Variants in PIGR observed in about 807,000 individuals in gnomAD.
PIGR encodes the protein polymeric immunoglobulin receptor.
PIGR carries 22 observed loss-of-function variants against 69.5 expected under a neutral mutation model. The ratio of observed to expected loss-of-function variants is 0.32; its 90% CI spans 0.23 to 0.45. PIGR has a LOEUF of 0.45. Among genes scored for constraint, PIGR ranks in the 20% least tolerant of loss-of-function variants. The probability of loss-of-function intolerance (pLI) is 1.00; values close to 1 mark genes in which losing one functional copy is unlikely to be tolerated. For missense variants in PIGR, 885 were observed against 974.0 expected (o/e 0.91, Z 1.22); for synonymous variants, 413 against 407.6 (o/e 1.01, Z -0.16).
At chr1:206,931,316 C>T in intron 10 of PIGR, 181 bp downstream of exon 10, 1 of 1,475,268 alleles carries the variant, frequency 6.8e-7, no homozygotes, top group Admixed American at 2.4e-5. Context: ...CATCAGCATC[C>T]CACAACCAGT....
In PIGR at chr1:206,944,468, A is replaced by T. The variant is rs1572649999; in HGVS notation, c.-54+1868T>A. On this transcript the variant is annotated intron_variant, in intron 1 of 10. Coordinates refer to ENST00000356495, the MANE Select transcript of PIGR (RefSeq NM_002644.4). ...AGCCTGGGTGACAGGGCAAGATTCC[A>T]TCTCAAAAAAATAAAAAATTAAAAA... 2.0e-5 allele frequency among the ~76,000 whole-genome samples: 3 copies of T among 152,152 alleles called. No individual in the cohort carries two copies. The East Asian group carries it at 5.8e-4, about 29-fold the overall frequency.
Position 206,934,620 on chromosome 1 carries a change from C to T in PIGR, c.1505G>A (p.Gly502Asp). ...GTCTTGGCTGGGCAGGGCCTGGCAG[C>T]CCGTGTTATTCCACTTGCACCAGTA... is the stretch of plus-strand genomic sequence containing the variant. ...EKYWCKWNNT[G>D]CQALPSQDEG... is the part of the protein sequence containing the mutation. The change falls in exon 6 of 11, where the codon GGC becomes GAC. Residue 502 changes from glycine (G) to aspartate (D), a missense_variant. Transcript: ENST00000356495. The T allele has an allele frequency of 6.2e-7, 1 of 1,614,158 alleles. No homozygotes were observed.
At chr1:206,934,894 T>C (rs1679834656) in intron 5 of PIGR, 148 bp from the exon 6 acceptor site, 1 of 528,284 alleles carries the variant, frequency 1.9e-6, no homozygotes, top group Non-Finnish European at 3.2e-6. Context: ...GGTCTCTCTC[T>C]GTCACCCAGG....
chr1:206,938,322 G>A (rs1049534511), intron 3 of PIGR, among the ~76,000 whole-genome samples: 1 of 152,228 alleles, frequency 6.6e-6, no homozygotes, highest in Admixed American at 6.5e-5. Flanking sequence ...TCCGGTTAGG[G>A]TGAACTCTAA....
At chr1:206,932,942 C>T (rs1197627504) in intron 7 of PIGR, 44 bp downstream of exon 7, 2 of 1,600,060 alleles carry the variant, frequency 1.2e-6, no homozygotes, top group South Asian at 2.2e-5. Flanking sequence ...AGGTGCTCGG[C>T]TCTGGGGTGT....
intron 2 of PIGR, among the ~76,000 whole-genome samples, chr1:206,940,013 C>T (rs1679951441): frequency 6.6e-6 from 1 of 152,258 alleles, no homozygotes; most frequent in Non-Finnish European, 1.5e-5. Context: ...AGCCAGCATC[C>T]AGCCATCCAT....
intron 1 of PIGR, among the ~76,000 whole-genome samples, chr1:206,941,228 A>G (rs1679978592): frequency 6.6e-6 from 1 of 152,154 alleles, no homozygotes; most frequent in Non-Finnish European, 1.5e-5. Flanking sequence ...GAAGGCTTCA[A>G]GGTTAAGTAC....
At chr1:206,932,633 A>C in intron 7 of PIGR, 56 bp from the exon 8 acceptor site, 1 of 1,546,138 alleles carries the variant, frequency 6.5e-7, no homozygotes, top group Non-Finnish European at 8.7e-7. Flanking sequence ...GGGCCCGACG[A>C]TGTGCTGGCA....
chr1:206,940,500 G>A lies in PIGR; in HGVS notation c.32C>T (p.Ala11Val), dbSNP rs374587983. The stretch of plus-strand genomic sequence containing the variant: ...CCTGGCAGACACACCTGGGAAGACC[G>A]CCAGCAGGCAGGTGAGCACGAAGAG... MLLFVLTCLL[A>V]VFPAISTKSP... Residue 11 changes from alanine (A) to valine (V), a missense_variant, in exon 2 of 11, where the codon GCG becomes GTG. Coordinates refer to ENST00000356495, the MANE Select transcript of PIGR (RefSeq NM_002644.4). 36 of 1,551,340 alleles carry A rather than the reference G, an allele frequency of 2.3e-5. No individual in the cohort carries two copies. The highest frequency in any genetic ancestry group is 2.8e-5 in the Non-Finnish European group (32 of 1,146,918).
At position 206,932,990 on chromosome 1, in the gene PIGR, C is replaced by T. The variant is rs762536335; in HGVS notation, c.1882G>A (p.Gly628Ser). ...GAGCCTTGAATCCTTCCTTACCTGC[C>T]GGAATCCACAGATGCTCTGCTCCCA... Reference protein sequence around the residue: ...ADGSRASVDSGSSEEQGGSSR... With the variant: ...ADGSRASVDSSSSEEQGGSSR... The change falls in exon 7 of 11, where the codon GGC becomes AGC. Residue 628 changes from glycine to serine, a missense_variant. Gly to Ser is a moderately conservative substitution (Grantham distance 56). Coordinates refer to ENST00000356495, the MANE Select transcript of PIGR (RefSeq NM_002644.4). 3.4e-5 allele frequency: 55 copies of T among 1,613,902 alleles called. No individual in the cohort carries two copies. The highest frequency in any genetic ancestry group is 2.0e-4 in the East Asian group (9 of 44,898).
In PIGR at chr1:206,930,861, TC is replaced by T; in HGVS notation, c.2200-449del. ...AACTTTGCTAAATGCCAGAGATGTTTCAAGAAAAAGTAGATATGATAAAAAC... is the reference window on the plus strand; with the variant it reads ...AACTTTGCTAAATGCCAGAGATGTTTAAGAAAAAGTAGATATGATAAAAAC... On this transcript the variant is annotated intron_variant, in intron 10 of 10. Transcript: ENST00000356495. The surrounding 1 kb of genome is among the most constrained non-coding windows in gnomAD (Gnocchi z 4.3). 3.0e-6 allele frequency: 3 copies of T among 985,382 alleles called. No homozygotes were observed. Among genetic ancestry groups the T allele is most frequent in the Non-Finnish European group, 3.6e-6 (3 of 829,926 alleles). 61.0% of individuals were successfully genotyped at this position (985,382 alleles called of 1,614,324 possible).
chr1:206,937,621 A>G lies in PIGR; in HGVS notation c.519T>C (p.Pro173=), dbSNP rs751025452. 8.7e-6 allele frequency: 14 copies of G among 1,613,832 alleles called. No individual in the cohort carries two copies. The South Asian group carries it at 1.3e-4, about 15-fold the overall frequency. The stretch of plus-strand genomic sequence containing the variant: ...AACCACTGGAGTCGATGACCAGCAC[A>G]GGGTACAGGCCTATCTGCTTGTACA... ...KSLYKQIGLY[P]VLVIDSSGYV... The change falls in exon 4 of 11, where the codon CCT becomes CCC. Residue 173 remains proline, a synonymous_variant. Coordinates refer to ENST00000356495, the MANE Select transcript of PIGR (RefSeq NM_002644.4).
chr1:206,938,551 C>CT (rs1045177768), intron 3 of PIGR, among the ~76,000 whole-genome samples: 4 of 152,158 alleles, frequency 2.6e-5, no homozygotes, highest in Non-Finnish European at 4.4e-5. Flanking sequence ...AAGAGCTTTT[C>CT]TTTTTTTCTC....
intron 3 of PIGR, among the ~76,000 whole-genome samples, chr1:206,938,241 G>A (rs1420508070): frequency 6.6e-6 from 1 of 152,172 alleles, no homozygotes; most frequent in Non-Finnish European, 1.5e-5. Context: ...GCTGTCTCAG[G>A]GAGCAGTGAG....
At chr1:206,945,287 G>A (rs896655417) in intron 1 of PIGR, among the ~76,000 whole-genome samples, 3 of 152,344 alleles carry the variant, frequency 2.0e-5, no homozygotes, top group Admixed American at 1.3e-4. Context: ...AAGGGGGAAA[G>A]TGATGGCACA....
intron 3 of PIGR, among the ~76,000 whole-genome samples, 161 bp from the exon 4 acceptor site, chr1:206,937,912 G>T (rs291095): frequency 0.71 from 108,386 of 152,108 alleles, 40,016 homozygotes; most frequent in African/African-American, 0.93. Context: ...GCTTGACAGC[G>T]GTCTTCTCCA....
At position 206,937,763 on chromosome 1, in the gene PIGR, G is replaced by T; in HGVS notation, c.389-12C>A. 1 of 1,612,742 alleles carries T rather than the reference G, an allele frequency of 6.2e-7. No homozygotes were observed. Among genetic ancestry groups the T allele is most frequent in the South Asian group, 1.1e-5 (1 of 90,662 alleles). On this transcript the variant is annotated splice_polypyrimidine_tract_variant and intron_variant, in intron 3 of 10. Coordinates refer to ENST00000356495, the MANE Select transcript of PIGR (RefSeq NM_002644.4). ...TAGGAGCCCAGGACCTGCAGGATGAGGGGTGCAAGGTAGGGGGCAGGCAAG... is the reference window on the plus strand; with the variant it reads ...TAGGAGCCCAGGACCTGCAGGATGATGGGTGCAAGGTAGGGGGCAGGCAAG...
In PIGR at chr1:206,933,182, G is replaced by T. The variant is rs1427190902; in HGVS notation, c.1706-16C>A. 1 of 1,612,020 alleles carries T rather than the reference G, an allele frequency of 6.2e-7. No individual in the cohort carries two copies. The highest frequency in any genetic ancestry group is 2.2e-5 in the East Asian group (1 of 44,852). On this transcript the variant is annotated splice_polypyrimidine_tract_variant and intron_variant, in intron 6 of 10. Coordinates refer to ENST00000356495, the MANE Select transcript of PIGR (RefSeq NM_002644.4). Reference sequence around the variant, plus strand: ...TCGCGGGACCCTGCAGCAGGGAAGAGTGGGCCTGGGTTGTGATTTTTCTCT... The same window carrying T: ...TCGCGGGACCCTGCAGCAGGGAAGATTGGGCCTGGGTTGTGATTTTTCTCT...
At chr1:206,931,455 C>T in intron 10 of PIGR, 42 bp downstream of exon 10, 1 of 1,614,034 alleles carries the variant, frequency 6.2e-7, no homozygotes. Context: ...CCTCATGCTG[C>T]ATTTCTTTGT....
Sources: allele counts gnomAD v4.1 joint callset (sites outside exome capture counted in the v4.1 genomes callset), GRCh38; gene constraint gnomAD v4.1.1; non-coding constraint Gnocchi (gnomAD v3.1); transcripts MANE v1.5; gene names NCBI Gene and HGNC (gene_info 2026-07-23, HGNC 2026-07-21).